KLHL12: variants seen among roughly 807,000 people sequenced by gnomAD.
The protein encoded by KLHL12 is kelch-like protein 12.
A neutral mutation model predicts 60.8 loss-of-function variants in KLHL12; 17 were observed. That is an observed-to-expected ratio of 0.28 (90% CI 0.19 to 0.42). KLHL12 has a LOEUF of 0.42. Among genes scored for constraint, KLHL12 ranks in the 10% least tolerant of loss-of-function variants. KLHL12 has a pLI of 1.00. For missense variants in KLHL12, 468 were observed against 722.3 expected, an observed-to-expected ratio of 0.65 and a Z score of 4.04; for synonymous variants, 220 against 250.9, an observed-to-expected ratio of 0.88 and a Z score of 1.16.
chr1:202,920,369 A>ATTTTTTTTTTTTTTTTTTTTTTT (rs951695987), intron 2 of KLHL12, among the ~76,000 whole-genome samples: 1 of 83,806 alleles, frequency 1.2e-5, no homozygotes, highest in Admixed American at 1.9e-4. Context: ...ATTTTGTTGG[A>ATTTTTTTTTTTTTTTTTTTTTTT]TTTTTTTTTT....
Position 202,927,200 on chromosome 1 carries a change from C to CGGAGGCTCT in KLHL12, c.-166_-158dup, listed in dbSNP as rs960166296. On this transcript the variant is annotated 5_prime_UTR_variant, in exon 1 of 12. Transcript: ENST00000367261. Reference sequence around the variant, plus strand: ...GAGGAGCCGAAGCGCCGCCCAGACCCGGAGGCTCTGGAGGCTCTGGAGCCG... The same window carrying CGGAGGCTCT: ...GAGGAGCCGAAGCGCCGCCCAGACCCGGAGGCTCTGGAGGCTCTGGAGGCTCTGGAGCCG... The CGGAGGCTCT allele has an allele frequency of 1.3e-4, 126 of 985,200 alleles. 1 individual carries two copies. In the East Asian group the frequency reaches 1.8e-3, roughly 14 times the overall value. 61.0% of individuals were successfully genotyped at this position (985,200 alleles called of 1,614,324 possible).
At chr1:202,908,363 T>C (rs562757079) in intron 6 of KLHL12, among the ~76,000 whole-genome samples, 44 of 152,204 alleles carry the variant, frequency 2.9e-4, no homozygotes, top group Non-Finnish European at 6.2e-4. Flanking sequence ...CTAATACACA[T>C]AGTTATTATG....
chr1:202,918,485 G>GA (rs1279330355), intron 3 of KLHL12, 97 bp from the exon 4 acceptor site: 1 of 906,722 alleles, frequency 1.1e-6, no homozygotes, highest in Non-Finnish European at 1.7e-6. Flanking sequence ...CATGTTATCA[G>GA]ATGAACCCTT....
intron 3 of KLHL12, among the ~76,000 whole-genome samples, chr1:202,919,199 T>A (rs1318290289): frequency 6.6e-6 from 1 of 152,194 alleles, no homozygotes. Flanking sequence ...AAGGATACAG[T>A]GAGCTGTGAT....
chr1:202,903,976 TTATC>T (rs768857530), intron 6 of KLHL12, among the ~76,000 whole-genome samples: 17 of 151,012 alleles, frequency 1.1e-4, no homozygotes, highest in South Asian at 4.2e-4. Context: ...CTTTAACCCT[TTATC>T]TATCTATCTA....
chr1:202,903,123 G>GCA (rs956365155), intron 6 of KLHL12, among the ~76,000 whole-genome samples: 1 of 129,988 alleles, frequency 7.7e-6, no homozygotes, highest in Non-Finnish European at 1.5e-5. Flanking sequence ...TCATGCCACT[G>GCA]CACTCTAGCC....
intron 6 of KLHL12, among the ~76,000 whole-genome samples, chr1:202,902,330 T>C (rs1660037292): frequency 6.6e-6 from 1 of 151,738 alleles, no homozygotes; most frequent in Non-Finnish European, 1.5e-5. Flanking sequence ...CTCGGGAGGC[T>C]GAGGCAGGAG....
intron 6 of KLHL12, among the ~76,000 whole-genome samples, chr1:202,904,897 G>C (rs1660136267): frequency 2.0e-5 from 3 of 152,182 alleles, no homozygotes; most frequent in African/African-American, 7.2e-5. Context: ...ACAGTAATGG[G>C]TAAGGTTAAT....
chr1:202,904,387 A>T (rs904091125), intron 6 of KLHL12, among the ~76,000 whole-genome samples: 11 of 152,054 alleles, frequency 7.2e-5, no homozygotes, highest in South Asian at 2.1e-4. Flanking sequence ...TATTTATTCA[A>T]ATATGTTTTT....
rs1400518952 is a variant in KLHL12, at chr1:202,912,436, TG to T, written c.568-1234del. ...GGAAACTTTGGTTTGGTCGTGGAGG[TG>T]GTTTCGGTTGGCATGACAGCCGTGG... On this transcript the variant is annotated intron_variant, in intron 4 of 11. Transcript: ENST00000367261. The T allele has an allele frequency of 4.2e-5, 35 of 825,640 alleles. 1 individual carries two copies. The East Asian group carries it at 8.2e-4, about 19-fold the overall frequency. 51.1% of individuals were successfully genotyped at this position (825,640 alleles called of 1,614,324 possible).
chr1:202,916,654 A>G (rs922754755), intron 4 of KLHL12, among the ~76,000 whole-genome samples: 2 of 152,200 alleles, frequency 1.3e-5, no homozygotes, highest in African/African-American at 4.8e-5. Context: ...ATTATATTAC[A>G]CAAATATCCT....
intron 6 of KLHL12, among the ~76,000 whole-genome samples, chr1:202,898,071 T>C (rs1659897849): frequency 6.6e-6 from 1 of 151,976 alleles, no homozygotes; most frequent in African/African-American, 2.4e-5. Flanking sequence ...ATAAAATATT[T>C]CCTACCTTGG....
intron 4 of KLHL12, among the ~76,000 whole-genome samples, chr1:202,916,277 T>G (rs1016819711): frequency 6.6e-6 from 1 of 152,256 alleles, no homozygotes; most frequent in Admixed American, 6.5e-5. Flanking sequence ...GGAACCAATG[T>G]GACCAATGTG....
chr1:202,895,743 A>C lies in KLHL12; in HGVS notation c.940-26T>G. The C allele has an allele frequency of 6.3e-7, 1 of 1,597,796 alleles. No homozygotes were observed. The highest frequency in any genetic ancestry group is 8.6e-7 in the Non-Finnish European group (1 of 1,168,308). The stretch of plus-strand genomic sequence containing the variant: ...CTATGGATTTGGAGAGAAGAGGTAC[A>C]GAGCATTTCAGTTAGGCAAGTTTTG... On this transcript the variant is annotated intron_variant, in intron 7 of 11. Coordinates refer to ENST00000367261, the MANE Select transcript of KLHL12 (RefSeq NM_021633.4). This position sits in a 1 kb window ranked among gnomAD's most constrained non-coding sequence, Gnocchi z 4.2.
At chr1:202,908,865 G>A (rs1660272892) in intron 6 of KLHL12, 145 bp downstream of exon 6, 1 of 565,166 alleles carries the variant, frequency 1.8e-6, no homozygotes, top group African/African-American at 1.9e-5. Flanking sequence ...AGCTTAGAGT[G>A]GTAAAGTGAC....
chr1:202,895,727 T>C lies in KLHL12; in HGVS notation c.940-10A>G, dbSNP rs2102407901. Reference sequence around the variant, plus strand: ...TCTTACGAGTGATGCTCTATGGATTTGGAGAGAAGAGGTACAGAGCATTTC... The same window carrying C: ...TCTTACGAGTGATGCTCTATGGATTCGGAGAGAAGAGGTACAGAGCATTTC... On this transcript the variant is annotated splice_polypyrimidine_tract_variant and intron_variant, in intron 7 of 11. Coordinates refer to ENST00000367261, the MANE Select transcript of KLHL12 (RefSeq NM_021633.4). This position sits in a 1 kb window ranked among gnomAD's most constrained non-coding sequence, Gnocchi z 4.2. 1 of 1,612,024 alleles carries C rather than the reference T, an allele frequency of 6.2e-7. No individual in the cohort carries two copies. The highest frequency in any genetic ancestry group is 1.1e-5 in the South Asian group (1 of 90,858).
intron 6 of KLHL12, among the ~76,000 whole-genome samples, chr1:202,900,939 C>T (rs759407862): frequency 2.0e-5 from 3 of 151,490 alleles, no homozygotes; most frequent in Non-Finnish European, 4.4e-5. Context: ...CCAGCTACTC[C>T]GGAGGCTGAG....
At chr1:202,919,676 T>C (rs1660626248) in intron 3 of KLHL12, 79 bp downstream of exon 3, 1 of 1,352,740 alleles carries the variant, frequency 7.4e-7, no homozygotes, top group South Asian at 1.4e-5. Flanking sequence ...AAAATGTTCA[T>C]GATTAAGTTT....
chr1:202,894,771 C>T, intron 8 of KLHL12, 22 bp from the exon 9 acceptor site: 1 of 1,602,330 alleles, frequency 6.2e-7, no homozygotes, highest in Non-Finnish European at 8.6e-7. Flanking sequence ...AAACAAATTA[C>T]AGACTATTAG....
Sources: allele counts gnomAD v4.1 joint callset (sites outside exome capture counted in the v4.1 genomes callset), GRCh38; gene constraint gnomAD v4.1.1; non-coding constraint Gnocchi (gnomAD v3.1); transcripts MANE v1.5; gene names NCBI Gene and HGNC (gene_info 2026-07-23, HGNC 2026-07-21).